Variants in TENM1 observed in about 807,000 individuals in gnomAD.
TENM1 encodes the protein teneurin-1.
Under a neutral mutation model 174.8 loss-of-function variants are expected in TENM1, and 35 were observed. The ratio of observed to expected loss-of-function variants is 0.20; its 90% CI spans 0.15 to 0.27. The LOEUF is 0.27. Ranked by LOEUF, TENM1 falls within the 10% of genes least tolerant of loss-of-function variation. TENM1 has a pLI of 1.00. For synonymous variants in TENM1, 781 were observed against 798.7 expected, an observed-to-expected ratio of 0.98 and a Z score of 0.37; for missense variants, 1,633 against 2,130.1, an observed-to-expected ratio of 0.77 and a Z score of 4.59.
intron 3 of TENM1, among the ~76,000 whole-genome samples, chrX:124,757,350 C>G (rs189216359): frequency 8.9e-6 from 1 of 112,588 alleles, no homozygotes; most frequent in East Asian, 2.8e-4. Flanking sequence ...ATCAGAAAAG[C>G]GCAGTATTGG....
chrX:124,674,980 C>A (rs113057569), intron 5 of TENM1, among the ~76,000 whole-genome samples: 4 of 110,942 alleles, frequency 3.6e-5, no homozygotes, highest in African/African-American at 9.8e-5. Flanking sequence ...CTTGAAAATG[C>A]GAGAAAATGC....
intron 11 of TENM1, among the ~76,000 whole-genome samples, chrX:124,587,605 T>C (rs935579045): frequency 3.6e-5 from 4 of 110,992 alleles, no homozygotes; most frequent in African/African-American, 1.3e-4. Flanking sequence ...AACCTAGGCA[T>C]TACCATTCAG....
At chrX:124,662,030 GTC>G (rs953778280) in intron 6 of TENM1, among the ~76,000 whole-genome samples, 7 of 111,066 alleles carry the variant, frequency 6.3e-5, no homozygotes, top group African/African-American at 2.3e-4. Flanking sequence ...CCAATTTGAT[GTC>G]CCAGTTTATC....
the TENM1 span, among the ~76,000 whole-genome samples, chrX:125,081,075 T>C: frequency 9.0e-6 from 1 of 111,466 alleles, no homozygotes; most frequent in Non-Finnish European, 1.9e-5. Flanking sequence ...CTTTTCATTC[T>C]AAGCCCTGTG....
chrX:124,384,231 C>G, exon 30 of TENM1: 1 of 1,210,301 alleles, frequency 8.3e-7, no homozygotes, highest in Non-Finnish European at 1.1e-6. Flanking sequence ...GAATTATATT[C>G]AAAAATATCA....
At chrX:125,088,680 C>T in the TENM1 span, among the ~76,000 whole-genome samples, 1 of 110,033 alleles carries the variant, frequency 9.1e-6, no homozygotes, top group African/African-American at 3.3e-5. Context: ...AATGAGTATA[C>T]AGACAAAAAC....
At chrX:124,816,104 A>T (rs1390748431) in intron 3 of TENM1, among the ~76,000 whole-genome samples, 1 of 112,076 alleles carries the variant, frequency 8.9e-6, no homozygotes, top group African/African-American at 3.2e-5. Context: ...GAATATATTC[A>T]AGAGATGATC....
intron 3 of TENM1, among the ~76,000 whole-genome samples, chrX:124,830,698 T>C: frequency 8.9e-6 from 1 of 111,832 alleles, no homozygotes; most frequent in Non-Finnish European, 1.9e-5. Context: ...AGTCTGCGTG[T>C]GAACTCATTT....
the TENM1 span, among the ~76,000 whole-genome samples, chrX:125,095,462 C>T: frequency 9.0e-6 from 1 of 111,441 alleles, no homozygotes; most frequent in Admixed American, 9.6e-5. Context: ...CAATAAGCCA[C>T]CCTAAACCTG....
intron 3 of TENM1, among the ~76,000 whole-genome samples, chrX:124,825,700 T>C (rs1205957072): frequency 8.9e-6 from 1 of 112,300 alleles, no homozygotes; most frequent in Non-Finnish European, 1.9e-5. Context: ...TTGCATAATA[T>C]ACTTTAAAAA....
At chrX:124,921,500 T>C (rs994001344) in intron 1 of TENM1, among the ~76,000 whole-genome samples, 1 of 112,011 alleles carries the variant, frequency 8.9e-6, no homozygotes, top group African/African-American at 3.2e-5. Flanking sequence ...TAACTCATTG[T>C]TTCAAAATCT....
At chrX:124,501,170 C>G (rs776428305) in intron 19 of TENM1, among the ~76,000 whole-genome samples, 8 of 111,693 alleles carry the variant, frequency 7.2e-5, no homozygotes, top group African/African-American at 2.3e-4. Context: ...CAGATATGCA[C>G]AACTTTCTTA....
At chrX:124,947,325 A>G (rs1046238551) in intron 1 of TENM1, among the ~76,000 whole-genome samples, 2 of 112,098 alleles carry the variant, frequency 1.8e-5, no homozygotes, top group African/African-American at 6.5e-5. Flanking sequence ...TTATAGACCC[A>G]TTTGAACACC....
chrX:124,894,456 G>T, intron 2 of TENM1, 104 bp from the exon 6 acceptor site: 1 of 521,861 alleles, frequency 1.9e-6, no homozygotes, highest in Non-Finnish European at 3.2e-6. Flanking sequence ...AAAAAACCCA[G>T]CTTTATTGCA....
At chrX:124,533,691 G>C (rs2048152402) in intron 15 of TENM1, among the ~76,000 whole-genome samples, 1 of 111,711 alleles carries the variant, frequency 9.0e-6, no homozygotes, top group Non-Finnish European at 1.9e-5. Flanking sequence ...ATAATATATA[G>C]AACTCTTCTA....
intron 3 of TENM1, among the ~76,000 whole-genome samples, chrX:124,787,707 C>A (rs1452477279): frequency 8.9e-6 from 1 of 112,244 alleles, no homozygotes; most frequent in African/African-American, 3.2e-5. Context: ...TTAATATTAT[C>A]TTTACAAATT....
chrX:124,752,038 C>T (rs1186070579), intron 3 of TENM1, among the ~76,000 whole-genome samples: 3 of 110,406 alleles, frequency 2.7e-5, no homozygotes, highest in Non-Finnish European at 3.8e-5. Flanking sequence ...AATGGTATTT[C>T]CAGTTCTAGA....
intron 10 of TENM1, among the ~76,000 whole-genome samples, chrX:124,643,974 T>G (rs2051083066): frequency 9.6e-6 from 1 of 104,226 alleles, no homozygotes; most frequent in Non-Finnish European, 2.0e-5. Flanking sequence ...ATAAAAACAC[T>G]TTCTGAAAGT....
the TENM1 span, among the ~76,000 whole-genome samples, chrX:125,137,174 A>C: frequency 1.2e-4 from 13 of 111,129 alleles, no homozygotes; most frequent in South Asian, 5.0e-3. Context: ...ACGTATATAA[A>C]GTGCCTACCA....
Sources: gnomAD v4.1 joint callset for allele counts (sites outside exome capture counted in the v4.1 genomes callset) on GRCh38, gnomAD v4.1.1 for gene constraint, MANE v1.5 for transcripts, NCBI Gene and HGNC (gene_info 2026-07-23, HGNC 2026-07-21) for gene names.